Variants in NTM observed in about 807,000 individuals in gnomAD.
NTM encodes the protein neurotrimin, also known as IgLON family member 2.
Under a neutral mutation model 42.1 loss-of-function variants are expected in NTM, and 13 were observed. That is an observed-to-expected ratio of 0.31 (90% CI 0.20 to 0.49). The LOEUF is 0.49. NTM is among the 20% of genes least tolerant of loss of function. The probability of loss-of-function intolerance (pLI) is 0.99; values close to 1 mark genes in which losing one functional copy is unlikely to be tolerated. For missense variants in NTM, 373 were observed against 452.8 expected (o/e 0.82, Z 1.60); for synonymous variants, 187 against 179.2 (o/e 1.04, Z -0.35).
intron 1 of NTM, among the ~76,000 whole-genome samples, chr11:131,755,554 T>A (rs1469595691): frequency 6.6e-6 from 1 of 152,210 alleles, no homozygotes; most frequent in Admixed American, 6.5e-5. Flanking sequence ...GGACATATAT[T>A]TTTATTAAAA....
intron 1 of NTM, among the ~76,000 whole-genome samples, chr11:131,831,912 C>T (rs2042867656): frequency 6.8e-6 from 1 of 148,078 alleles, no homozygotes; most frequent in Non-Finnish European, 1.5e-5. Flanking sequence ...ATTAATTCTC[C>T]CAACATTAAT....
intron 2 of NTM, among the ~76,000 whole-genome samples, chr11:131,931,551 G>A (rs77240371): frequency 2.1e-3 from 315 of 151,788 alleles, no homozygotes; most frequent in African/African-American, 7.1e-3. Context: ...TTTAGGCCAT[G>A]GGGCTTTTTG....
Position 132,075,774 on chromosome 11 carries a change from C to T in NTM, c.168-70508C>T, listed in dbSNP as rs1267690313. ...GATTAAAGGATAATTCTTTTCTCTC[C>T]CTACCATTCCACTCTAAATTTCTGA... On this transcript the variant is annotated intron_variant, in intron 2 of 8. Coordinates refer to ENST00000683400, the MANE Select transcript of NTM (RefSeq NM_001352005.2). Among the ~76,000 whole-genome samples the T allele has an allele frequency of 3.3e-5, 5 of 152,150 alleles. 1 individual carries two copies. The South Asian group carries it at 1.0e-3, about 32-fold the overall frequency.
chr11:131,968,769 C>T (rs909065389), intron 2 of NTM, among the ~76,000 whole-genome samples: 8 of 152,094 alleles, frequency 5.3e-5, no homozygotes, highest in African/African-American at 1.9e-4. Flanking sequence ...ACATATCCTC[C>T]CCCGAAATGC....
intron 1 of NTM, among the ~76,000 whole-genome samples, chr11:131,487,235 G>A (rs568849632): frequency 1.3e-5 from 2 of 152,144 alleles, no homozygotes; most frequent in South Asian, 2.1e-4. Context: ...TTATAGCCTC[G>A]TGTTTTGATT....
intron 4 of NTM, among the ~76,000 whole-genome samples, chr11:132,250,493 C>T (rs1243614252): frequency 6.6e-6 from 1 of 152,038 alleles, no homozygotes; most frequent in Non-Finnish European, 1.5e-5. Flanking sequence ...TTTCTTCTCT[C>T]CTTTTGGGAC....
intron 2 of NTM, among the ~76,000 whole-genome samples, chr11:131,977,921 G>T (rs949816962): frequency 1.3e-5 from 2 of 152,194 alleles, no homozygotes; most frequent in Non-Finnish European, 2.9e-5. Flanking sequence ...ATTATGAGCT[G>T]AAGAGAAAAA....
intron 4 of NTM, among the ~76,000 whole-genome samples, chr11:132,276,634 C>T (rs775153047): frequency 5.9e-5 from 9 of 152,134 alleles, no homozygotes; most frequent in Non-Finnish European, 1.3e-4. Context: ...TGACCACTTC[C>T]AATTAAAACA....
chr11:131,768,691 G>A (rs1482929713), intron 1 of NTM, among the ~76,000 whole-genome samples: 4 of 152,160 alleles, frequency 2.6e-5, no homozygotes, highest in Non-Finnish European at 5.9e-5. Context: ...TTAAGCCCAT[G>A]GTATCTTGTT....
At chr11:131,501,343 G>C (rs1038655512) in intron 1 of NTM, among the ~76,000 whole-genome samples, 2 of 152,160 alleles carry the variant, frequency 1.3e-5, no homozygotes, top group African/African-American at 4.8e-5. Context: ...GCCCCTCTGA[G>C]GAGGTGAGTT....
At chr11:131,890,587 T>C (rs1307956473) in intron 1 of NTM, among the ~76,000 whole-genome samples, 1 of 152,178 alleles carries the variant, frequency 6.6e-6, no homozygotes, top group Non-Finnish European at 1.5e-5. Context: ...AGTGCTAGAT[T>C]GATTTTCTGG....
At chr11:131,592,091 A>C (rs1044298940) in intron 1 of NTM, among the ~76,000 whole-genome samples, 1 of 152,206 alleles carries the variant, frequency 6.6e-6, no homozygotes, top group Non-Finnish European at 1.5e-5. Context: ...GATGAGGGGT[A>C]GGAAACTATT....
chr11:131,439,898 G>T (rs576664135), intron 1 of NTM, among the ~76,000 whole-genome samples: 4 of 150,372 alleles, frequency 2.7e-5, no homozygotes, highest in African/African-American at 7.3e-5. Flanking sequence ...CATTGATTAC[G>T]CTGGGCACTG....
chr11:132,270,790 T>C (rs3099777), intron 4 of NTM, among the ~76,000 whole-genome samples: 136,434 of 152,054 alleles, frequency 0.9, 61,308 homozygotes, highest in African/African-American at 0.94. Flanking sequence ...CTTCCACTTG[T>C]TCCACATCCT....
At chr11:132,161,578 G>A (rs1180207925) in intron 3 of NTM, among the ~76,000 whole-genome samples, 1 of 151,574 alleles carries the variant, frequency 6.6e-6, no homozygotes, top group East Asian at 1.9e-4. Flanking sequence ...CTGTGCACCC[G>A]GGCTCATGCG....
intron 2 of NTM, among the ~76,000 whole-genome samples, chr11:132,037,018 C>T (rs2076588403): frequency 1.3e-5 from 2 of 152,134 alleles, no homozygotes; most frequent in African/African-American, 2.4e-5. Context: ...ACTCTGCCTG[C>T]TTAGGAGTCA....
intron 1 of NTM, among the ~76,000 whole-genome samples, chr11:131,548,186 TA>T (rs1243099422): frequency 1.3e-5 from 2 of 152,198 alleles, no homozygotes; most frequent in Non-Finnish European, 2.9e-5. Context: ...TTTTACTTGG[TA>T]GTTAATAAAT....
intron 1 of NTM, among the ~76,000 whole-genome samples, chr11:131,730,669 T>C (rs1019751575): frequency 6.7e-6 from 1 of 148,862 alleles, no homozygotes; most frequent in Admixed American, 6.8e-5. Context: ...TAATGAGCTG[T>C]GATCACACCA....
chr11:132,030,668 TG>T (rs1313928870), intron 2 of NTM, among the ~76,000 whole-genome samples: 4 of 152,160 alleles, frequency 2.6e-5, no homozygotes, highest in African/African-American at 9.7e-5. Flanking sequence ...GAACCTCATA[TG>T]CCAAAGCCCT....
Sources: allele counts gnomAD v4.1 joint callset (sites outside exome capture counted in the v4.1 genomes callset), GRCh38; gene constraint gnomAD v4.1.1; transcripts MANE v1.5; gene names NCBI Gene and HGNC (gene_info 2026-07-23, HGNC 2026-07-21).